Variants in EDIL3 observed in about 807,000 individuals in gnomAD.
The protein encoded by EDIL3 is EGF-like repeat and discoidin I-like domain-containing protein 3.
Under a neutral mutation model 67.4 loss-of-function variants are expected in EDIL3, and 37 were observed. That is an observed-to-expected ratio of 0.55 (90% CI 0.42 to 0.72). EDIL3 has a LOEUF of 0.72. Among genes scored for constraint, EDIL3 ranks in the 30% least tolerant of loss-of-function variants. The pLI is 0.00. For missense variants in EDIL3, 527 were observed against 586.3 expected (o/e 0.90, Z 1.04); for synonymous variants, 195 against 196.3 (o/e 0.99, Z 0.05).
chr5:84,132,528 T>A (rs1319383544), intron 5 of EDIL3, among the ~76,000 whole-genome samples: 1 of 116,564 alleles, frequency 8.6e-6, no homozygotes, highest in Non-Finnish European at 1.6e-5. Flanking sequence ...TTAATATATA[T>A]TATATATTTT....
chr5:83,970,156 T>A (rs1744765899), intron 9 of EDIL3, among the ~76,000 whole-genome samples: 1 of 151,294 alleles, frequency 6.6e-6, no homozygotes, highest in East Asian at 1.9e-4. Flanking sequence ...ACTTTCTGTA[T>A]ATTTTTGACA....
At chr5:84,230,302 A>G (rs1376989592) in intron 2 of EDIL3, among the ~76,000 whole-genome samples, 1 of 152,172 alleles carries the variant, frequency 6.6e-6, no homozygotes, top group Non-Finnish European at 1.5e-5. Flanking sequence ...TTTGGCAAAG[A>G]GGAATTAAAA....
At chr5:84,384,181 TCCGCGCCGCCAGC>T in intron 1 of EDIL3, 114 bp downstream of exon 1, 1 of 1,219,510 alleles carries the variant, frequency 8.2e-7, no homozygotes, top group Admixed American at 2.4e-5. Context: ...CGACGCCTCC[TCCGCGCCGCCAGC>T]GGCGCTCGCC....
At chr5:83,991,565 C>T (rs1311051293) in intron 9 of EDIL3, among the ~76,000 whole-genome samples, 3 of 152,150 alleles carry the variant, frequency 2.0e-5, no homozygotes, top group Non-Finnish European at 2.9e-5. Flanking sequence ...CACAATCTTA[C>T]TCGCTAGGCC....
intron 1 of EDIL3, among the ~76,000 whole-genome samples, chr5:84,351,279 T>C (rs994157134): frequency 1.1e-4 from 17 of 152,190 alleles, no homozygotes; most frequent in Non-Finnish European, 1.6e-4. Flanking sequence ...TCATTCTTCT[T>C]GCAGTATTAT....
At chr5:84,045,704 G>A (rs2112218623) in intron 9 of EDIL3, among the ~76,000 whole-genome samples, 1 of 152,278 alleles carries the variant, frequency 6.6e-6, no homozygotes, top group African/African-American at 2.4e-5. Context: ...AATTATAATA[G>A]CGGCATAAAA....
At chr5:84,333,117 G>C (rs994171417) in intron 1 of EDIL3, among the ~76,000 whole-genome samples, 2 of 151,986 alleles carry the variant, frequency 1.3e-5, no homozygotes, top group Admixed American at 1.3e-4. Flanking sequence ...AGAACTAAAA[G>C]ATAAGTATAA....
chr5:84,060,270 G>A, intron 9 of EDIL3, 30 bp downstream of exon 9: 1 of 1,607,662 alleles, frequency 6.2e-7, no homozygotes, highest in South Asian at 1.1e-5. Flanking sequence ...GAGGAACAGT[G>A]GGTAGTGAAA....
intron 10 of EDIL3, among the ~76,000 whole-genome samples, chr5:83,952,308 T>C (rs937683332): frequency 6.6e-6 from 1 of 151,828 alleles, no homozygotes; most frequent in African/African-American, 2.4e-5. Context: ...ATTTAACTTC[T>C]TTTATGATGA....
intron 1 of EDIL3, among the ~76,000 whole-genome samples, chr5:84,292,727 G>A (rs1446189071): frequency 6.6e-6 from 1 of 152,036 alleles, no homozygotes; most frequent in African/African-American, 2.4e-5. Context: ...AGAAACTCAT[G>A]GGTATATTGA....
At position 84,250,989 on chromosome 5, in the gene EDIL3, CAT is replaced by C. The variant is rs1337183048; in HGVS notation, c.196+3093_196+3094del. ...TTAAGATATTACCTCAAAATACCCA[CAT>C]GTGTTTTTTGTTTGTTTGTTTTTTA... is the stretch of plus-strand genomic sequence containing the variant. On this transcript the variant is annotated intron_variant, in intron 2 of 10. Coordinates refer to ENST00000296591, the MANE Select transcript of EDIL3 (RefSeq NM_005711.5). Among the ~76,000 whole-genome samples the C allele has an allele frequency of 4.6e-5, 7 of 152,294 alleles. No individual in the cohort carries two copies. The East Asian group carries it at 7.7e-4, about 17-fold the overall frequency.
At chr5:83,981,219 C>T (rs1744964920) in intron 9 of EDIL3, among the ~76,000 whole-genome samples, 1 of 151,948 alleles carries the variant, frequency 6.6e-6, no homozygotes, top group Non-Finnish European at 1.5e-5. Context: ...TTGAGGATTC[C>T]TACTTTTTAA....
chr5:84,382,236 C>T (rs1384302945), intron 1 of EDIL3, among the ~76,000 whole-genome samples: 4 of 152,188 alleles, frequency 2.6e-5, no homozygotes, highest in Admixed American at 6.5e-5. Context: ...ATCCAGCTTC[C>T]CGAGCATTGT....
At chr5:84,019,792 T>C (rs1248937997) in intron 9 of EDIL3, among the ~76,000 whole-genome samples, 1 of 152,000 alleles carries the variant, frequency 6.6e-6, no homozygotes, top group African/African-American at 2.4e-5. Flanking sequence ...TTAGGTAAAT[T>C]TGAAAAAGCC....
chr5:84,317,918 C>T (rs940266068), intron 1 of EDIL3, among the ~76,000 whole-genome samples: 1 of 152,100 alleles, frequency 6.6e-6, no homozygotes, highest in African/African-American at 2.4e-5. Context: ...AAAACTCCAT[C>T]GTCTCAGCCC....
In EDIL3 at chr5:84,094,130, C is replaced by T. The variant is rs535954506; in HGVS notation, c.651+12519G>A. On this transcript the variant is annotated intron_variant, in intron 6 of 10. Transcript: ENST00000296591. ...AATGACCAAATAATTTCAGACAAAA[C>T]ATACTTTTCAGGACAGAAGCATTAA... Among the ~76,000 whole-genome samples the T allele has an allele frequency of 1.3e-4, 20 of 152,284 alleles. No individual in the cohort carries two copies. In the East Asian group the frequency reaches 3.9e-3, roughly 29 times the overall value.
chr5:84,287,070 A>G (rs1745820663), intron 1 of EDIL3, among the ~76,000 whole-genome samples: 1 of 152,186 alleles, frequency 6.6e-6, no homozygotes, highest in African/African-American at 2.4e-5. Context: ...ATTAGAGAGG[A>G]AGACAGCCAC....
At chr5:84,005,070 C>A (rs2112173682) in intron 9 of EDIL3, among the ~76,000 whole-genome samples, 1 of 152,166 alleles carries the variant, frequency 6.6e-6, no homozygotes, top group South Asian at 2.1e-4. Context: ...CTTCTATACA[C>A]ACAAACTAGA....
chr5:84,219,060 T>C (rs1477924978), intron 3 of EDIL3, among the ~76,000 whole-genome samples: 2 of 152,194 alleles, frequency 1.3e-5, no homozygotes, highest in African/African-American at 2.4e-5. Flanking sequence ...GATCCAGTGC[T>C]GTGCTGGCTT....
Sources: allele counts gnomAD v4.1 joint callset (sites outside exome capture counted in the v4.1 genomes callset), GRCh38; gene constraint gnomAD v4.1.1; transcripts MANE v1.5; gene names NCBI Gene and HGNC (gene_info 2026-07-23, HGNC 2026-07-21).